The following CDYL2 variants were observed in gnomAD, a reference collection of about 807,000 sequenced individuals.
The protein encoded by CDYL2 is chromodomain Y like 2, also known as chromodomain Y-like protein 2.
A neutral mutation model predicts 49.4 loss-of-function variants in CDYL2; 23 were observed. That is an observed-to-expected ratio of 0.47 (90% CI 0.34 to 0.66). CDYL2 has a LOEUF of 0.66. CDYL2 is among the 30% of genes least tolerant of loss of function. The pLI, the probability that CDYL2 is intolerant of heterozygous loss-of-function variation, is 0.01. For missense variants in CDYL2, 678 were observed against 656.4 expected, an observed-to-expected ratio of 1.03 and a Z score of -0.36; for synonymous variants, 360 against 268.8, an observed-to-expected ratio of 1.34 and a Z score of -3.32.
chr16:80,615,656 C>G (rs1906795855), intron 4 of CDYL2, among the ~76,000 whole-genome samples: 2 of 152,142 alleles, frequency 1.3e-5, no homozygotes, highest in Admixed American at 1.3e-4. Context: ...CTTTCCAGAG[C>G]TTTCCTCTGC....
intron 2 of CDYL2, among the ~76,000 whole-genome samples, chr16:80,654,115 G>C (rs919235835): frequency 6.6e-6 from 1 of 152,248 alleles, no homozygotes; most frequent in Non-Finnish European, 1.5e-5. Flanking sequence ...CTCAGCCGTG[G>C]TGATTTGGGG....
In CDYL2 at chr16:80,804,338, G is replaced by C. The variant is rs1352053368; in HGVS notation, c.-165C>G. ...TTTTTGCAGAATGACAGGCTTGGGG[G>C]CTGCCTATGCGCAGAATCAGAGCGG... On this transcript the variant is annotated 5_prime_UTR_variant, in exon 1 of 7. Transcript: ENST00000570137. The C allele has an allele frequency of 2.6e-6, 1 of 378,256 alleles. No homozygotes were observed. Among genetic ancestry groups the C allele is most frequent in the Admixed American group, 4.7e-5 (1 of 21,068 alleles). The allele number at this position is 378,256 out of a possible 1,614,324, so 23.4% of individuals were successfully genotyped here.
intron 3 of CDYL2, among the ~76,000 whole-genome samples, chr16:80,629,318 T>G (rs1907446586): frequency 6.6e-6 from 1 of 152,202 alleles, no homozygotes; most frequent in Non-Finnish European, 1.5e-5. Flanking sequence ...CAAAATAGCC[T>G]AGTAGTGGAC....
rs1330990909 is a variant in CDYL2 at position 80,598,953 on chromosome 16, C to G, written c.*5435G>C. 1 of 152,060 alleles carries G rather than the reference C, an allele frequency of 6.6e-6. No homozygotes were observed. Among genetic ancestry groups the G allele is most frequent in the Non-Finnish European group, 1.5e-5 (1 of 68,030 alleles). The allele number at this position is 152,060 out of a possible 1,614,324, so 9.4% of individuals were successfully genotyped here. ...GGCAATATTGTCACAATCCTGTCAA[C>G]ATCGACACTGGCAAATGACTTCAAG... On this transcript the variant is annotated 3_prime_UTR_variant, in exon 7 of 7. Coordinates refer to ENST00000570137, the MANE Select transcript of CDYL2 (RefSeq NM_152342.4).
intron 1 of CDYL2, among the ~76,000 whole-genome samples, chr16:80,773,190 T>TA (rs1906964411): frequency 6.6e-6 from 1 of 152,178 alleles, no homozygotes; most frequent in Non-Finnish European, 1.5e-5. Flanking sequence ...ACAAAAAGTT[T>TA]AACTAGAGTT....
intron 2 of CDYL2, among the ~76,000 whole-genome samples, chr16:80,675,768 T>G (rs1909719382): frequency 6.6e-6 from 1 of 152,068 alleles, no homozygotes; most frequent in South Asian, 2.1e-4. Flanking sequence ...AGTTTTATTA[T>G]TGTTTTGGAG....
chr16:80,754,757 T>A (rs1906251995), intron 1 of CDYL2, among the ~76,000 whole-genome samples: 1 of 152,186 alleles, frequency 6.6e-6, no homozygotes, highest in South Asian at 2.1e-4. Flanking sequence ...GTTATTAGTT[T>A]GAGCTTTTAG....
rs1906199153 is a variant in CDYL2, at chr16:80,603,722, C to A, written c.*666G>T. The stretch of plus-strand genomic sequence containing the variant: ...ACATTTCCCTAGTAGTTTGTTTTTG[C>A]AAAACTAGCTTTACATATAATACAC... On this transcript the variant is annotated 3_prime_UTR_variant, in exon 7 of 7. Transcript: ENST00000570137. 6.6e-6 allele frequency: 1 copy of A among 152,540 alleles called. No homozygotes were observed. Among genetic ancestry groups the A allele is most frequent in the African/African-American group, 2.4e-5 (1 of 41,410 alleles). The allele number at this position is 152,540 out of a possible 1,614,324, so 9.4% of individuals were successfully genotyped here. A position where few individuals can be genotyped will look rare whatever the true frequency, so the allele number is the denominator to read the frequency against.
chr16:80,713,046 G>T (rs1904674111), intron 1 of CDYL2, among the ~76,000 whole-genome samples: 1 of 152,182 alleles, frequency 6.6e-6, no homozygotes, highest in Admixed American at 6.5e-5. Context: ...GCAGACAAGA[G>T]GTGTTCCAAG....
At chr16:80,804,018 G>T in intron 1 of CDYL2, 132 bp downstream of exon 1, 2 of 556,844 alleles carry the variant, frequency 3.6e-6, no homozygotes, top group South Asian at 8.1e-5. Flanking sequence ...TCCGGCCGCC[G>T]CCGCCGCCGC....
chr16:80,606,684 C>T (rs1441198678), intron 6 of CDYL2, among the ~76,000 whole-genome samples: 2 of 152,228 alleles, frequency 1.3e-5, no homozygotes, highest in African/African-American at 4.8e-5. Flanking sequence ...CAACCCAAAT[C>T]TCATCTTGAA....
At chr16:80,706,720 A>C (rs1229742968) in intron 1 of CDYL2, among the ~76,000 whole-genome samples, 1 of 152,244 alleles carries the variant, frequency 6.6e-6, no homozygotes, top group Admixed American at 6.5e-5. Context: ...TCCAGGGACC[A>C]TAGACAAAGA....
intron 3 of CDYL2, among the ~76,000 whole-genome samples, chr16:80,623,180 T>A (rs1454115519): frequency 6.6e-6 from 1 of 151,320 alleles, no homozygotes; most frequent in Non-Finnish European, 1.5e-5. Context: ...AAATGCAGAG[T>A]CTAAAGCCCC....
At chr16:80,644,907 A>T (rs1908266339) in intron 2 of CDYL2, among the ~76,000 whole-genome samples, 1 of 152,206 alleles carries the variant, frequency 6.6e-6, no homozygotes, top group Admixed American at 6.5e-5. Flanking sequence ...CCCATTTAAT[A>T]AATGGTGCTG....
chr16:80,727,041 G>A (rs190760626), intron 1 of CDYL2, among the ~76,000 whole-genome samples: 2 of 152,360 alleles, frequency 1.3e-5, no homozygotes, highest in East Asian at 1.9e-4. Context: ...AGCCATGACT[G>A]TGCCTGGGCA....
At chr16:80,725,281 C>A (rs1234522974) in intron 1 of CDYL2, among the ~76,000 whole-genome samples, 5 of 152,198 alleles carry the variant, frequency 3.3e-5, no homozygotes, top group Non-Finnish European at 7.4e-5. Context: ...TTCCTTGGAG[C>A]ATCTTCCCTG....
intron 1 of CDYL2, among the ~76,000 whole-genome samples, chr16:80,707,852 T>C (rs1315711012): frequency 6.6e-6 from 1 of 152,172 alleles, no homozygotes; most frequent in Non-Finnish European, 1.5e-5. Context: ...GGCACAAGTG[T>C]TTCATCACTG....
intron 1 of CDYL2, among the ~76,000 whole-genome samples, chr16:80,741,403 C>A (rs1435465709): frequency 6.6e-6 from 1 of 151,326 alleles, no homozygotes. Flanking sequence ...TCTAGGCTTA[C>A]AGAAAAACAT....
intron 1 of CDYL2, among the ~76,000 whole-genome samples, chr16:80,702,189 C>A (rs1218969112): frequency 1.3e-5 from 2 of 151,056 alleles, no homozygotes; most frequent in Admixed American, 1.3e-4. Context: ...CTAAAACACA[C>A]ACACACACAC....
Sources: gnomAD v4.1 joint callset for allele counts (sites outside exome capture counted in the v4.1 genomes callset) on GRCh38, gnomAD v4.1.1 for gene constraint, MANE v1.5 for transcripts, NCBI Gene and HGNC (gene_info 2026-07-23, HGNC 2026-07-21) for gene names.